GREM2: variants seen among roughly 807,000 people sequenced by gnomAD.
GREM2 encodes gremlin 2, DAN family BMP antagonist.
A neutral mutation model predicts 14.2 loss-of-function variants in GREM2; 11 were observed. The ratio of observed to expected loss-of-function variants is 0.78; its 90% CI spans 0.49 to 1.28. The LOEUF is 1.28. Among genes scored for constraint, GREM2 ranks in the 50% most tolerant of loss-of-function variants. GREM2 has a pLI of 0.00. For synonymous variants in GREM2, 98 were observed against 97.6 expected (o/e 1.00, Z -0.02); for missense variants, 210 against 218.5 (o/e 0.96, Z 0.24).
chr1:240,504,319 A>G (rs1217082784), intron 1 of GREM2, among the ~76,000 whole-genome samples: 1 of 152,208 alleles, frequency 6.6e-6, no homozygotes, highest in East Asian at 1.9e-4. Flanking sequence ...CATCTTAACT[A>G]CTACAGCAAT....
intron 1 of GREM2, among the ~76,000 whole-genome samples, chr1:240,497,769 T>C (rs1666619357): frequency 6.6e-6 from 1 of 151,806 alleles, no homozygotes; most frequent in African/African-American, 2.4e-5. Context: ...CATATGAAAA[T>C]GGCCACGCTT....
intron 1 of GREM2, among the ~76,000 whole-genome samples, chr1:240,610,303 A>G (rs1053306676): frequency 2.0e-5 from 3 of 152,034 alleles, no homozygotes; most frequent in Non-Finnish European, 4.4e-5. Flanking sequence ...AGGAAAAAAA[A>G]TTTATCTATA....
At chr1:240,547,532 T>TATATATATAGACAGACAGATAGATAG (rs1187770486) in intron 1 of GREM2, among the ~76,000 whole-genome samples, 3 of 121,874 alleles carry the variant, frequency 2.5e-5, no homozygotes, top group African/African-American at 1.1e-4. Flanking sequence ...TATATATATA[T>TATATATATAGACAGACAGATAGATAG]ATAGATAGAT....
chr1:240,583,453 C>T (rs1275535072), intron 1 of GREM2, among the ~76,000 whole-genome samples: 2 of 152,116 alleles, frequency 1.3e-5, no homozygotes, highest in East Asian at 3.9e-4. Context: ...GATGTCAGTG[C>T]CTTTTTTCAA....
intron 1 of GREM2, among the ~76,000 whole-genome samples, chr1:240,506,053 G>T (rs915809765): frequency 6.6e-6 from 1 of 152,092 alleles, no homozygotes; most frequent in Non-Finnish European, 1.5e-5. Flanking sequence ...CAATTAAAAA[G>T]TGTGAGAGGT....
chr1:240,574,137 G>A (rs1270729531), intron 1 of GREM2, among the ~76,000 whole-genome samples: 4 of 152,002 alleles, frequency 2.6e-5, no homozygotes, highest in Non-Finnish European at 5.9e-5. Flanking sequence ...GGCCAGGCTG[G>A]TCTCGAATTC....
chr1:240,550,815 C>T (rs768022085), intron 1 of GREM2, among the ~76,000 whole-genome samples: 4 of 152,142 alleles, frequency 2.6e-5, no homozygotes, highest in Non-Finnish European at 4.4e-5. Flanking sequence ...TACGAATGAT[C>T]AAAAGCAAAT....
chr1:240,555,209 AT>A (rs1678932212), intron 1 of GREM2, among the ~76,000 whole-genome samples: 1 of 152,132 alleles, frequency 6.6e-6, no homozygotes, highest in African/African-American at 2.4e-5. Flanking sequence ...GGGAGGCCTT[AT>A]TTTGTAATAT....
chr1:240,523,526 A>G (rs1678150737), intron 1 of GREM2, among the ~76,000 whole-genome samples: 1 of 152,128 alleles, frequency 6.6e-6, no homozygotes, highest in African/African-American at 2.4e-5. Context: ...CTCCATACCA[A>G]TACACAAGGA....
At chr1:240,518,482 C>T (rs1677998304) in intron 1 of GREM2, among the ~76,000 whole-genome samples, 2 of 152,100 alleles carry the variant, frequency 1.3e-5, no homozygotes, top group Non-Finnish European at 2.9e-5. Flanking sequence ...AAAGGATGGA[C>T]ACAAATTTTA....
At chr1:240,508,474 T>C (rs964084269) in intron 1 of GREM2, among the ~76,000 whole-genome samples, 6 of 152,216 alleles carry the variant, frequency 3.9e-5, no homozygotes, top group African/African-American at 1.4e-4. Flanking sequence ...GTGTCCATTC[T>C]GCCTTTTATA....
chr1:240,519,680 G>A (rs1029441584), intron 1 of GREM2, among the ~76,000 whole-genome samples: 1 of 151,884 alleles, frequency 6.6e-6, no homozygotes, highest in African/African-American at 2.4e-5. Context: ...TCTGTACTGG[G>A]GATAAAAAGA....
At chr1:240,513,046 A>AAT (rs1466606424) in intron 1 of GREM2, among the ~76,000 whole-genome samples, 27 of 152,198 alleles carry the variant, frequency 1.8e-4, no homozygotes, top group Admixed American at 1.8e-3. Flanking sequence ...TACACTAGTA[A>AAT]ATGTTATAAA....
At chr1:240,597,622 G>T (rs1327188936) in intron 1 of GREM2, among the ~76,000 whole-genome samples, 1 of 152,156 alleles carries the variant, frequency 6.6e-6, no homozygotes, top group Admixed American at 6.6e-5. Flanking sequence ...TGAGAGGCAA[G>T]GACTAGGTCT....
chr1:240,608,336 A>G (rs1680071083), intron 1 of GREM2, among the ~76,000 whole-genome samples: 1 of 152,240 alleles, frequency 6.6e-6, no homozygotes, highest in Non-Finnish European at 1.5e-5. Flanking sequence ...GCAAAGGCAG[A>G]GAAATCTCAT....
intron 1 of GREM2, among the ~76,000 whole-genome samples, chr1:240,571,298 G>C (rs913467347): frequency 1.3e-5 from 2 of 152,238 alleles, no homozygotes; most frequent in African/African-American, 4.8e-5. Flanking sequence ...ACCTTGAACA[G>C]GTTTCATTAT....
chr1:240,519,342 GT>G (rs201469455), intron 1 of GREM2, among the ~76,000 whole-genome samples: 20,436 of 145,808 alleles, frequency 0.14, 1,568 homozygotes, highest in East Asian at 0.27. Context: ...AACTTCTCTA[GT>G]TTTTTTTTTT....
Position 240,491,631 on chromosome 1 carries a change from C to A in GREM2, c.*1338G>T, listed in dbSNP as rs3748536. 18,382 of 152,620 alleles carry A rather than the reference C, an allele frequency of 0.12. 1,292 individuals carry two copies. The highest frequency in any genetic ancestry group is 0.3 in the East Asian group (1,524 of 5,162). The allele number at this position is 152,620 out of a possible 1,614,324, so 9.5% of individuals were successfully genotyped here. On this transcript the variant is annotated 3_prime_UTR_variant, in exon 2 of 2. Coordinates refer to ENST00000318160, the MANE Select transcript of GREM2 (RefSeq NM_022469.4). ...GCATGTTTTGTGCAGAACAGTTCAA[C>A]TAGATTACTATTCTATATCTTTTAT...
intron 1 of GREM2, among the ~76,000 whole-genome samples, chr1:240,532,086 T>G (rs1419872900): frequency 6.6e-6 from 1 of 151,780 alleles, no homozygotes; most frequent in Non-Finnish European, 1.5e-5. Context: ...TTATTATTAT[T>G]ATTATTTTAG....
Sources: gnomAD v4.1 joint callset for allele counts (sites outside exome capture counted in the v4.1 genomes callset) on GRCh38, gnomAD v4.1.1 for gene constraint, MANE v1.5 for transcripts, NCBI Gene and HGNC (gene_info 2026-07-23, HGNC 2026-07-21) for gene names.